PRMT9: variants seen among roughly 807,000 people sequenced by gnomAD.
PRMT9 encodes the protein protein arginine N-methyltransferase 9.
PRMT9 carries 59 observed loss-of-function variants against 83.2 expected under a neutral mutation model. The observed-to-expected ratio is 0.71, with a 90% confidence interval of 0.57 to 0.88. The LOEUF is 0.88. Ranked by LOEUF, PRMT9 falls within the 40% of genes least tolerant of loss-of-function variation. PRMT9 has a pLI of 0.00. For missense variants in PRMT9, 947 were observed against 1,021.9 expected (o/e 0.93, Z 1.00); for synonymous variants, 333 against 353.2 (o/e 0.94, Z 0.64).
chr4:147,683,735 G>A (rs6535547), intron 1 of PRMT9, 64 bp downstream of exon 1: 619,819 of 836,510 alleles, frequency 0.74, 217,536 homozygotes, highest in Admixed American at 0.77. Context: ...TTTTTTTTCT[G>A]TTTTTTTTTT....
At chr4:147,653,450 A>AT (rs1356107876) in intron 9 of PRMT9, among the ~76,000 whole-genome samples, 8 of 128,140 alleles carry the variant, frequency 6.2e-5, no homozygotes, top group African/African-American at 2.4e-4. Context: ...CTTAAAAAAA[A>AT]AAAATATATA....
chr4:147,670,848 C>A, intron 4 of PRMT9, 105 bp from the exon 5 acceptor site: 2 of 750,372 alleles, frequency 2.7e-6, no homozygotes, highest in South Asian at 1.5e-5. Flanking sequence ...AGAAACAGTC[C>A]ATATGTAATA....
rs144546832 is a variant in PRMT9 at position 147,660,825 on chromosome 4, T to C, written c.1146+21A>G. The C allele has an allele frequency of 3.6e-4, 552 of 1,538,986 alleles. 3 individuals are homozygous for C. In the African/African-American group the frequency reaches 6.6e-3, roughly 18 times the overall value. Reference sequence around the variant, plus strand: ...ATGCATGAAATTTAATGCTTGAAAATAGTAACTGAATTTTTTTCACCTGAA... The same window carrying C: ...ATGCATGAAATTTAATGCTTGAAAACAGTAACTGAATTTTTTTCACCTGAA... On this transcript the variant is annotated intron_variant, in intron 7 of 11. Transcript: ENST00000322396.
chr4:147,680,865 ATC>A (rs1045583547), intron 1 of PRMT9, among the ~76,000 whole-genome samples: 1 of 152,140 alleles, frequency 6.6e-6, no homozygotes, highest in African/African-American at 2.4e-5. Context: ...CTACATTTAC[ATC>A]TCTAGTCAAG....
Position 147,657,939 on chromosome 4 carries a change from T to C in PRMT9, c.1183A>G (p.Ile395Val). Residue 395 changes from isoleucine (I) to valine (V), a missense_variant, in exon 8 of 12, where the codon ATT (isoleucine) becomes GTT (valine). Transcript: ENST00000322396. ...KSLATKKPDK[I>V]GIPVIKEGIL... Reference sequence around the variant, plus strand: ...CCTTCTTTAATAACAGGAATACCAATCTTATCAGGCTTTTTAGTTGCAAGA... The same window carrying C: ...CCTTCTTTAATAACAGGAATACCAACCTTATCAGGCTTTTTAGTTGCAAGA... 1 of 1,606,998 alleles carries C rather than the reference T, an allele frequency of 6.2e-7. No individual in the cohort carries two copies. Among genetic ancestry groups the C allele is most frequent in the Non-Finnish European group, 8.5e-7 (1 of 1,177,110 alleles).
intron 2 of PRMT9, among the ~76,000 whole-genome samples, chr4:147,676,650 T>C (rs1381842287): frequency 6.6e-6 from 1 of 152,212 alleles, no homozygotes; most frequent in Non-Finnish European, 1.5e-5. Context: ...CCCTAGGCCA[T>C]GTTAATTAAG....
At chr4:147,663,550 G>C (rs1350371305) in intron 6 of PRMT9, among the ~76,000 whole-genome samples, 1 of 152,066 alleles carries the variant, frequency 6.6e-6, no homozygotes, top group Non-Finnish European at 1.5e-5. Context: ...ATTTTTTATA[G>C]AGACAGGGTT....
At chr4:147,648,132 C>T (rs772566296) in intron 9 of PRMT9, among the ~76,000 whole-genome samples, 3 of 152,142 alleles carry the variant, frequency 2.0e-5, no homozygotes, top group Non-Finnish European at 2.9e-5. Flanking sequence ...ACCCTTGGAA[C>T]CTACAGAATG....
At chr4:147,639,664 G>A (rs568426395) in intron 10 of PRMT9, among the ~76,000 whole-genome samples, 1 of 152,162 alleles carries the variant, frequency 6.6e-6, no homozygotes, top group East Asian at 1.9e-4. Flanking sequence ...ACAAAGTTGT[G>A]AATCACTATT....
chr4:147,668,411 A>G (rs918444518), intron 6 of PRMT9, 128 bp downstream of exon 6: 7 of 687,874 alleles, frequency 1.0e-5, no homozygotes, highest in South Asian at 4.8e-5. Flanking sequence ...CCCTTCTGCC[A>G]TGTTTGTAAG....
rs147474455 is a variant in PRMT9, at chr4:147,646,222, G to T, written c.2046-3282C>A. Among the ~76,000 whole-genome samples the T allele has an allele frequency of 3.7e-3, 563 of 152,152 alleles. 6 individuals carry two copies. The highest frequency in any genetic ancestry group is 0.016 in the Admixed American group (251 of 15,274). On this transcript the variant is annotated intron_variant, in intron 9 of 11. Transcript: ENST00000322396. Reference sequence around the variant, plus strand: ...ATCCTGAAAACTCATGTTATTATCTGAACAACTGAAGTTATCTGCTAACTG... The same window carrying T: ...ATCCTGAAAACTCATGTTATTATCTTAACAACTGAAGTTATCTGCTAACTG...
chr4:147,641,975 T>C (rs754248752), intron 10 of PRMT9, among the ~76,000 whole-genome samples: 2 of 152,174 alleles, frequency 1.3e-5, no homozygotes, highest in African/African-American at 2.4e-5. Flanking sequence ...TTTCTAAGTC[T>C]TGACTCCTTA....
intron 6 of PRMT9, among the ~76,000 whole-genome samples, chr4:147,664,187 G>T (rs1202609220): frequency 6.6e-6 from 1 of 152,150 alleles, no homozygotes; most frequent in Non-Finnish European, 1.5e-5. Context: ...CACACCTGTG[G>T]TTGGCAGCTC....
At chr4:147,649,693 C>T (rs1377161325) in intron 9 of PRMT9, among the ~76,000 whole-genome samples, 2 of 152,076 alleles carry the variant, frequency 1.3e-5, no homozygotes, top group African/African-American at 4.8e-5. Context: ...TTAGTAGAAA[C>T]GGGGTTTCTC....
At chr4:147,658,335 G>A (rs1314904120) in intron 7 of PRMT9, among the ~76,000 whole-genome samples, 1 of 151,880 alleles carries the variant, frequency 6.6e-6, no homozygotes, top group South Asian at 2.1e-4. Context: ...TAGTGAGAGA[G>A]AGCATGTGTT....
chr4:147,659,111 G>A (rs1314553488), intron 7 of PRMT9, among the ~76,000 whole-genome samples: 6 of 151,862 alleles, frequency 4.0e-5, no homozygotes, highest in Non-Finnish European at 5.9e-5. Context: ...CCCGGAAGGT[G>A]GAGCTTGCAG....
At chr4:147,640,629 T>C (rs140861332) in intron 10 of PRMT9, among the ~76,000 whole-genome samples, 5 of 152,246 alleles carry the variant, frequency 3.3e-5, no homozygotes, top group African/African-American at 1.2e-4. Flanking sequence ...ATTTTCCCCA[T>C]TATCAGTATG....
intron 6 of PRMT9, chr4:147,661,306 CTAAGA>C (rs1734934071): frequency 5.5e-6 from 2 of 365,300 alleles, no homozygotes; most frequent in South Asian, 6.6e-5. Context: ...AAGCAAGCAA[CTAAGA>C]TATTTGTAAT....
chr4:147,682,201 C>T (rs1335311969), intron 1 of PRMT9, among the ~76,000 whole-genome samples: 1 of 151,654 alleles, frequency 6.6e-6, no homozygotes, highest in African/African-American at 2.4e-5. Flanking sequence ...TTTTCTGAGA[C>T]AGAGTTTCGC....
Sources: gnomAD v4.1 joint callset for allele counts (sites outside exome capture counted in the v4.1 genomes callset) on GRCh38, gnomAD v4.1.1 for gene constraint, MANE v1.5 for transcripts, NCBI Gene and HGNC (gene_info 2026-07-23, HGNC 2026-07-21) for gene names.